The following ILDR1 variants were observed in gnomAD, a reference collection of about 807,000 sequenced individuals.
ILDR1 encodes the protein immunoglobulin like domain containing receptor 1.
A neutral mutation model predicts 62.4 loss-of-function variants in ILDR1; 56 were observed. That is an observed-to-expected ratio of 0.90 (90% CI 0.72 to 1.12). The LOEUF (loss-of-function observed/expected upper bound fraction) is 1.12. Among genes scored for constraint, ILDR1 ranks in the 50% most tolerant of loss-of-function variants. The probability of loss-of-function intolerance (pLI) is 0.00; values close to 1 mark genes in which losing one functional copy is unlikely to be tolerated. For missense variants in ILDR1, 736 were observed against 710.6 expected, an observed-to-expected ratio of 1.04 and a Z score of -0.41; for synonymous variants, 284 against 277.8, an observed-to-expected ratio of 1.02 and a Z score of -0.22.
intron 3 of ILDR1, among the ~76,000 whole-genome samples, chr3:122,005,033 C>A (rs1049887270): frequency 2.0e-5 from 3 of 152,228 alleles, no homozygotes; most frequent in Non-Finnish European, 4.4e-5. Flanking sequence ...AACAGAACAA[C>A]CTCTGGTCCA....
chr3:121,994,065 C>T (rs2071400733), intron 6 of ILDR1, 95 bp from the exon 7 acceptor site: 5 of 1,493,428 alleles, frequency 3.3e-6, no homozygotes, highest in African/African-American at 1.4e-5. Context: ...TAGCATGAAT[C>T]CCTCCCATCT....
At chr3:121,999,787 C>A (rs1406125233) in intron 5 of ILDR1, among the ~76,000 whole-genome samples, 2 of 152,120 alleles carry the variant, frequency 1.3e-5, no homozygotes, top group Admixed American at 1.3e-4. Context: ...CTCATTATAT[C>A]CCCTCTCACA....
intron 5 of ILDR1, among the ~76,000 whole-genome samples, chr3:121,996,476 C>A (rs1030748377): frequency 3.9e-5 from 6 of 152,190 alleles, no homozygotes; most frequent in Non-Finnish European, 5.9e-5. Context: ...CTCTTGCGTG[C>A]CTTCCCCTGC....
At chr3:122,020,648 G>C (rs952388787) in intron 1 of ILDR1, among the ~76,000 whole-genome samples, 1 of 152,214 alleles carries the variant, frequency 6.6e-6, no homozygotes, top group Non-Finnish European at 1.5e-5. Context: ...CTGCTGTGGA[G>C]TTTGAGATGA....
At position 122,001,388 on chromosome 3, in the gene ILDR1, C is replaced by G; in HGVS notation, c.566G>C (p.Trp189Ser). ...GCAATACTGAGGACAGCACTGGCACCAGCACACTCCAATCAGCAGCAGGAG... is the reference window on the plus strand; with the variant it reads ...GCAATACTGAGGACAGCACTGGCACGAGCACACTCCAATCAGCAGCAGGAG... ...LLLLLLIGVC[W>S]CQCCPQYCCC... Residue 189 changes from tryptophan (W) to serine (S), a missense_variant, in exon 5 of 8, where the codon TGG becomes TCG. By Grantham distance (177) the Trp-to-Ser change is radical. Coordinates refer to ENST00000344209, the MANE Select transcript of ILDR1 (RefSeq NM_001199799.2). 3 of 1,614,138 alleles carry G rather than the reference C, an allele frequency of 1.9e-6. No individual in the cohort carries two copies. Among genetic ancestry groups the G allele is most frequent in the South Asian group, 2.2e-5 (2 of 91,084 alleles).
the ILDR1 span, among the ~76,000 whole-genome samples, chr3:122,037,378 C>T: frequency 1.3e-5 from 2 of 152,238 alleles, no homozygotes; most frequent in Non-Finnish European, 1.5e-5. Context: ...TGTGGGAGCC[C>T]ACCCCTTGCA....
At chr3:122,009,999 G>A (rs2001212) in intron 1 of ILDR1, among the ~76,000 whole-genome samples, 92,445 of 152,152 alleles carry the variant, frequency 0.61, 28,767 homozygotes, top group Admixed American at 0.74. Flanking sequence ...CAGTGCAGGC[G>A]AGAGCTGTGG....
chr3:122,015,648 A>G (rs2071766301), intron 1 of ILDR1, among the ~76,000 whole-genome samples: 1 of 152,194 alleles, frequency 6.6e-6, no homozygotes, highest in African/African-American at 2.4e-5. Flanking sequence ...CCATGATTAT[A>G]AGTTTCCTGA....
At chr3:122,034,939 G>A in the ILDR1 span, among the ~76,000 whole-genome samples, 4 of 152,180 alleles carry the variant, frequency 2.6e-5, no homozygotes, top group African/African-American at 9.7e-5. Context: ...CTGCCCCCAT[G>A]ATTCAGTCAC....
chr3:122,006,240 C>T (rs12486781), intron 2 of ILDR1, among the ~76,000 whole-genome samples: 19,399 of 152,148 alleles, frequency 0.13, 1,413 homozygotes, highest in Middle Eastern at 0.22. Flanking sequence ...GCTCACTTTT[C>T]CCTATGAACA....
Position 122,022,190 on chromosome 3 carries a change from C to T in ILDR1, c.-113G>A. ...TCTCCAAGGAACCCCTCGGGTTTCC[C>T]CTCCCTCGGCGCAGCGGGGAGGGAG... On this transcript the variant is annotated 5_prime_UTR_variant, in exon 1 of 8. Coordinates refer to ENST00000344209, the MANE Select transcript of ILDR1 (RefSeq NM_001199799.2). 1 of 935,438 alleles carries T rather than the reference C, an allele frequency of 1.1e-6. No individual in the cohort carries two copies. The highest frequency in any genetic ancestry group is 1.6e-6 in the Non-Finnish European group (1 of 622,014). The allele number at this position is 935,438 out of a possible 1,614,324, so 57.9% of individuals were successfully genotyped here.
chr3:121,994,024 C>A, intron 6 of ILDR1, 54 bp from the exon 7 acceptor site: 2 of 1,559,180 alleles, frequency 1.3e-6, no homozygotes, highest in South Asian at 2.3e-5. Context: ...ACATACACCT[C>A]AGAATCAGGA....
intron 5 of ILDR1, among the ~76,000 whole-genome samples, chr3:121,997,688 G>A (rs1382514324): frequency 6.6e-6 from 1 of 152,202 alleles, no homozygotes; most frequent in African/African-American, 2.4e-5. Flanking sequence ...GATGGGGCAG[G>A]AGAGATCAGA....
chr3:122,010,518 G>A (rs2071688507), intron 1 of ILDR1, among the ~76,000 whole-genome samples: 1 of 152,126 alleles, frequency 6.6e-6, no homozygotes, highest in African/African-American at 2.4e-5. Flanking sequence ...AGAATGGAAG[G>A]GCCGGTGACC....
intron 5 of ILDR1, among the ~76,000 whole-genome samples, chr3:122,000,799 G>A (rs1424979946): frequency 4.6e-5 from 7 of 152,190 alleles, no homozygotes; most frequent in Non-Finnish European, 7.3e-5. Context: ...TCAGAATTGA[G>A]TTAAATTATA....
chr3:122,014,588 C>T (rs757445493), intron 1 of ILDR1, among the ~76,000 whole-genome samples: 29 of 152,118 alleles, frequency 1.9e-4, no homozygotes, highest in African/African-American at 5.8e-4. Context: ...TATATAAGTA[C>T]GTCTTCACAT....
At chr3:122,041,176 C>A in the ILDR1 span, among the ~76,000 whole-genome samples, 5 of 152,042 alleles carry the variant, frequency 3.3e-5, no homozygotes, top group African/African-American at 1.2e-4. Context: ...CCCCCAAAAG[C>A]CAGGGTTGGA....
At chr3:122,052,446 C>G in the ILDR1 span, among the ~76,000 whole-genome samples, 7 of 152,086 alleles carry the variant, frequency 4.6e-5, no homozygotes, top group African/African-American at 1.7e-4. Flanking sequence ...ATATATCACC[C>G]AGTATTTTTT....
the ILDR1 span, among the ~76,000 whole-genome samples, chr3:122,033,635 G>C: frequency 6.6e-6 from 1 of 151,754 alleles, no homozygotes; most frequent in African/African-American, 2.4e-5. Flanking sequence ...TGCCTCTTAC[G>C]TTTAGATCTA....
Sources: allele counts gnomAD v4.1 joint callset (sites outside exome capture counted in the v4.1 genomes callset), GRCh38; gene constraint gnomAD v4.1.1; transcripts MANE v1.5; gene names NCBI Gene and HGNC (gene_info 2026-07-23, HGNC 2026-07-21).